Variants in KIAA0753 observed in about 807,000 individuals in gnomAD.
KIAA0753 encodes protein moonraker.
A neutral mutation model predicts 116.9 loss-of-function variants in KIAA0753; 114 were observed. The observed-to-expected ratio is 0.98, with a 90% CI of 0.84 to 1.14. KIAA0753 has a LOEUF of 1.14. Among genes scored for constraint, KIAA0753 ranks in the 50% most tolerant of loss-of-function variants. The pLI is 0.00. For missense variants in KIAA0753, 1,156 were observed against 1,172.4 expected, an observed-to-expected ratio of 0.99 and a Z score of 0.20; for synonymous variants, 405 against 413.1, an observed-to-expected ratio of 0.98 and a Z score of 0.24.
At chr17:6,591,010 G>A (rs1459758590) in intron 16 of KIAA0753, among the ~76,000 whole-genome samples, 1 of 49,346 alleles carries the variant, frequency 2.0e-5, no homozygotes, top group Non-Finnish European at 5.4e-5. Context: ...GAAGAAGAAG[G>A]AAGAAGAAGG....
intron 16 of KIAA0753, among the ~76,000 whole-genome samples, chr17:6,592,450 C>T (rs1028934575): frequency 3.9e-5 from 6 of 152,270 alleles, no homozygotes; most frequent in South Asian, 2.1e-4. Context: ...AGGCAGTAAC[C>T]GATAAGCACA....
At position 6,623,008 on chromosome 17, in the gene KIAA0753, C is replaced by T. The variant is rs376698370; in HGVS notation, c.978G>A (p.Glu326=). The part of the protein sequence containing the change: ...MFVTQFTDRG[E]HPLPARCKEL... ...CCTTACACCGAGCAGGAAGTGGATGCTCCCCTCGGTCAGTAAACTGAGTGA... is the reference window on the plus strand; with the variant it reads ...CCTTACACCGAGCAGGAAGTGGATGTTCCCCTCGGTCAGTAAACTGAGTGA... Residue 326 remains glutamate (E), a synonymous_variant, in exon 6 of 19, where the codon GAG becomes GAA. Transcript: ENST00000361413. 2 of 1,614,030 alleles carry T rather than the reference C, an allele frequency of 1.2e-6. No individual in the cohort carries two copies. The highest frequency in any genetic ancestry group is 2.7e-5 in the African/African-American group (2 of 74,920).
At chr17:6,590,301 G>A (rs966422260) in intron 17 of KIAA0753, among the ~76,000 whole-genome samples, 1 of 152,118 alleles carries the variant, frequency 6.6e-6, no homozygotes, top group Non-Finnish European at 1.5e-5. Flanking sequence ...ACAGCTAAAT[G>A]TTATTGAATA....
At chr17:6,636,916 C>T (rs1230887708) in intron 1 of KIAA0753, 2 of 152,244 alleles carry the variant, frequency 1.3e-5, no homozygotes, top group South Asian at 2.1e-4. Context: ...ATGGCCAAGG[C>T]CTATTTCCTC....
chr17:6,631,969 G>A (rs188589785), intron 2 of KIAA0753, among the ~76,000 whole-genome samples: 15 of 152,102 alleles, frequency 9.9e-5, no homozygotes, highest in East Asian at 9.6e-4. Flanking sequence ...TGCAACCTCC[G>A]CCTCCTGGGT....
At chr17:6,619,279 T>C (rs112383386) in intron 7 of KIAA0753, among the ~76,000 whole-genome samples, 12 of 152,066 alleles carry the variant, frequency 7.9e-5, no homozygotes, top group African/African-American at 2.7e-4. Context: ...AAGATAAACA[T>C]TGGAAGGGGT....
intron 18 of KIAA0753, among the ~76,000 whole-genome samples, chr17:6,588,505 A>T (rs1443150803): frequency 6.6e-6 from 1 of 152,150 alleles, no homozygotes; most frequent in East Asian, 1.9e-4. Flanking sequence ...GAGAAAAAGT[A>T]AGGGTGGGGC....
intron 14 of KIAA0753, among the ~76,000 whole-genome samples, chr17:6,598,969 C>T (rs144179591): frequency 3.9e-5 from 6 of 152,336 alleles, no homozygotes; most frequent in Admixed American, 1.3e-4. Flanking sequence ...CCACACAGGG[C>T]ACCCACACTC....
At position 6,622,915 on chromosome 17, in the gene KIAA0753, A is replaced by C. The variant is rs770328573; in HGVS notation, c.1071T>G (p.Pro357=). 6.2e-7 allele frequency: 1 copy of C among 1,614,054 alleles called. No homozygotes were observed. The highest frequency in any genetic ancestry group is 8.5e-7 in the Non-Finnish European group (1 of 1,179,988). ...SVKLDADPSV[P]DVVIDILQQI... is the part of the protein sequence containing the mutation. ...GTTGCAGAATATCTATAACCACATCAGGAACAGAAGGGTCTGCATCCAGCT... is the reference window on the plus strand; with the variant it reads ...GTTGCAGAATATCTATAACCACATCCGGAACAGAAGGGTCTGCATCCAGCT... The change falls in exon 6 of 19, where the codon CCT becomes CCG. Residue 357 remains proline (P), a synonymous_variant. Coordinates refer to ENST00000361413, the MANE Select transcript of KIAA0753 (RefSeq NM_014804.3).
In KIAA0753 at chr17:6,610,125, T is replaced by G. The variant is rs772091221; in HGVS notation, c.1581A>C (p.Gln527His). The G allele has an allele frequency of 3.7e-6, 6 of 1,614,032 alleles. No individual in the cohort carries two copies. Among genetic ancestry groups the G allele is most frequent in the Middle Eastern group, 1.6e-4 (1 of 6,084 alleles). The change falls in exon 9 of 19, where the codon CAA (glutamine) becomes CAC (histidine). Residue 527 changes from glutamine to histidine, a missense_variant. By Grantham distance (24) the Gln-to-His change is conservative. Coordinates refer to ENST00000361413, the MANE Select transcript of KIAA0753 (RefSeq NM_014804.3). ...LRKAERGRQS[Q>H]PHSKSRVQQT... Reference sequence around the variant, plus strand: ...GCTGCACTCTGCTTTTACTGTGAGGTTGGCTTTGTCTACCTCTTTCAGCTT... The same window carrying G: ...GCTGCACTCTGCTTTTACTGTGAGGGTGGCTTTGTCTACCTCTTTCAGCTT...
chr17:6,600,586 T>A (rs1051568869), intron 12 of KIAA0753, 128 bp from the exon 13 acceptor site: 1 of 653,578 alleles, frequency 1.5e-6, no homozygotes, highest in African/African-American at 1.8e-5. Context: ...CATGGCCATA[T>A]CAATCTCCTG....
rs549449198 is a variant in KIAA0753, at chr17:6,589,227, T to G, written c.2786+552A>C. Among the ~76,000 whole-genome samples the G allele has an allele frequency of 6.9e-4, 105 of 152,300 alleles. 1 individual carries two copies. The highest frequency in any genetic ancestry group is 2.4e-3 in the African/African-American group (100 of 41,568). ...GGTCATGAGGGTGGAGGTCCCTCAA[T>G]GGGATCAGTGCCCTTCTGAGAAGAG... is the stretch of plus-strand genomic sequence containing the variant. On this transcript the variant is annotated intron_variant, in intron 18 of 18. Coordinates refer to ENST00000361413, the MANE Select transcript of KIAA0753 (RefSeq NM_014804.3).
At chr17:6,584,977 T>A (rs1228587069) in intron 18 of KIAA0753, among the ~76,000 whole-genome samples, 1 of 152,000 alleles carries the variant, frequency 6.6e-6, no homozygotes, top group Admixed American at 6.6e-5. Flanking sequence ...AATTTTTTGT[T>A]TTTTGTAGAG....
rs888107364 is a variant in KIAA0753 at position 6,611,964 on chromosome 17, A to G, written c.1500T>C (p.Asn500=). The change falls in exon 8 of 19, where the codon AAT becomes AAC. Residue 500 remains asparagine (N), a synonymous_variant. Transcript: ENST00000361413. Reference sequence around the variant, plus strand: ...GAGTATCTTTCTTCCTAAACGGCACATTCTCAGTCACAGGCTTCTTTTTCC... The same window carrying G: ...GAGTATCTTTCTTCCTAAACGGCACGTTCTCAGTCACAGGCTTCTTTTTCC... ...KAGKKKPVTE[N]VPFRKKDTLA... 1.2e-5 allele frequency: 19 copies of G among 1,614,024 alleles called. No individual in the cohort carries two copies. The highest frequency in any genetic ancestry group is 3.3e-5 in the Admixed American group (2 of 60,000).
At chr17:6,607,036 G>A in intron 11 of KIAA0753, 74 bp from the exon 12 acceptor site, 1 of 1,485,182 alleles carries the variant, frequency 6.7e-7, no homozygotes, top group Non-Finnish European at 9.4e-7. Flanking sequence ...TCCAGTCTTG[G>A]CTCCCCCCTT....
chr17:6,594,277 A>ACC (rs34010703), intron 16 of KIAA0753, among the ~76,000 whole-genome samples: 35 of 141,938 alleles, frequency 2.5e-4, no homozygotes, highest in African/African-American at 8.1e-4. Context: ...TCAGATTCTG[A>ACC]CCCCCCCCCC....
intron 16 of KIAA0753, 48 bp downstream of exon 16, chr17:6,594,924 A>C (rs1248213788): frequency 7.0e-7 from 1 of 1,434,854 alleles, no homozygotes; most frequent in Non-Finnish European, 9.7e-7. Context: ...GTATGTTTGA[A>C]ATTCTTCAGA....
chr17:6,630,479 T>C (rs933456562), intron 2 of KIAA0753, among the ~76,000 whole-genome samples: 5 of 152,026 alleles, frequency 3.3e-5, no homozygotes, highest in African/African-American at 9.7e-5. Context: ...TAAAAAGATT[T>C]AGCACAGGAA....
At chr17:6,606,190 T>C (rs1970183572) in intron 12 of KIAA0753, among the ~76,000 whole-genome samples, 1 of 152,188 alleles carries the variant, frequency 6.6e-6, no homozygotes, top group South Asian at 2.1e-4. Context: ...TTGAAATCTT[T>C]ACTACAGACA....
Sources: allele counts gnomAD v4.1 joint callset (sites outside exome capture counted in the v4.1 genomes callset), GRCh38; gene constraint gnomAD v4.1.1; transcripts MANE v1.5; gene names NCBI Gene and HGNC (gene_info 2026-07-23, HGNC 2026-07-21).